GRAMD4: variants seen among roughly 807,000 people sequenced by gnomAD.
GRAMD4 encodes the protein GRAM domain containing 4, also known as GRAM domain-containing protein 4.
Under a neutral mutation model 83.9 loss-of-function variants are expected in GRAMD4, and 25 were observed. The ratio of observed to expected loss-of-function variants is 0.30; its 90% confidence interval spans 0.22 to 0.42. GRAMD4 has a LOEUF of 0.42. GRAMD4 is among the 10% of genes least tolerant of loss of function. The pLI, the probability that GRAMD4 is intolerant of heterozygous loss-of-function variation, is 1.00. For missense variants in GRAMD4, 593 were observed against 788.7 expected (o/e 0.75, Z 2.97); for synonymous variants, 336 against 320.9 (o/e 1.05, Z -0.50).
chr22:46,672,825 T>C lies in GRAMD4; in HGVS notation c.1085-18T>C. ...CTGCAGAGCTCTAGATGGAGCAGGC[T>C]GTGTCCCCTGCCCTCAGGACTCTAT... On this transcript the variant is annotated intron_variant, in intron 13 of 18. Transcript: ENST00000406902. The surrounding 1 kb of genome is among the most constrained non-coding windows in gnomAD (Gnocchi z 4.7). The C allele has an allele frequency of 1.2e-6, 2 of 1,600,570 alleles. No individual in the cohort carries two copies. The highest frequency in any genetic ancestry group is 2.7e-5 in the African/African-American group (2 of 74,802).
chr22:46,663,999 G>C, intron 7 of GRAMD4, 27 bp from the exon 8 acceptor site: 1 of 1,583,292 alleles, frequency 6.3e-7, no homozygotes, highest in Non-Finnish European at 8.7e-7. Context: ...CCACAGTGCT[G>C]ACCACTGTGG....
At chr22:46,646,237 G>A (rs748185259) in intron 3 of GRAMD4, among the ~76,000 whole-genome samples, 7 of 152,214 alleles carry the variant, frequency 4.6e-5, no homozygotes, top group Non-Finnish European at 7.3e-5. Context: ...GCACTCACAC[G>A]GGCAGTGGCA....
At chr22:46,646,657 GC>G (rs1247167598) in intron 3 of GRAMD4, among the ~76,000 whole-genome samples, 1 of 152,230 alleles carries the variant, frequency 6.6e-6, no homozygotes, top group Admixed American at 6.5e-5. Context: ...CCCTGGACTT[GC>G]CCCTTTGGAC....
exon 1 of GRAMD4, chr22:46,577,213 A>C (rs1345768682): frequency 5.7e-6 from 5 of 873,752 alleles, no homozygotes; most frequent in Non-Finnish European, 6.8e-6. Context: ...GGCGGGCGGC[A>C]GGCGTAGCGC....
At chr22:46,597,397 G>T (rs1465980498) in intron 1 of GRAMD4, among the ~76,000 whole-genome samples, 1 of 152,224 alleles carries the variant, frequency 6.6e-6, no homozygotes, top group Non-Finnish European at 1.5e-5. Context: ...AGATCCAGAG[G>T]AACTTCTTTG....
intron 1 of GRAMD4, among the ~76,000 whole-genome samples, chr22:46,623,712 G>A (rs1796631555): frequency 6.6e-6 from 1 of 151,756 alleles, no homozygotes; most frequent in African/African-American, 2.4e-5. Flanking sequence ...CCTTTCTAGT[G>A]AGCTTGAAGG....
intron 2 of GRAMD4, among the ~76,000 whole-genome samples, chr22:46,628,967 C>T (rs914689896): frequency 6.6e-6 from 1 of 151,814 alleles, no homozygotes; most frequent in Non-Finnish European, 1.5e-5. Context: ...CCACGAGGTA[C>T]AAGGGGGCTT....
At position 46,672,344 on chromosome 22, in the gene GRAMD4, G is replaced by T. The variant is rs1389585044; in HGVS notation, c.1085-499G>T. Among the ~76,000 whole-genome samples, 1 of 151,974 alleles carries T rather than the reference G, an allele frequency of 6.6e-6. No individual in the cohort carries two copies. Among genetic ancestry groups the T allele is most frequent in the African/African-American group, 2.4e-5 (1 of 41,386 alleles). On this transcript the variant is annotated intron_variant, in intron 13 of 18. Transcript: ENST00000406902. This position sits in a 1 kb window ranked among gnomAD's most constrained non-coding sequence, Gnocchi z 4.7. ...GAGCCGTCTGAGCAGCTGGTCATGG[G>T]CGGCCTCTCAGCAGGGATGGGCTGG...
chr22:46,615,482 G>A (rs2081469182), upstream of GRAMD4, among the ~76,000 whole-genome samples: 1 of 135,030 alleles, frequency 7.4e-6, no homozygotes, highest in African/African-American at 2.8e-5. Flanking sequence ...CCCTTGTGTA[G>A]GTTCCCCCGT....
chr22:46,596,536 T>A (rs1332662013), intron 1 of GRAMD4, among the ~76,000 whole-genome samples: 1 of 152,188 alleles, frequency 6.6e-6, no homozygotes, highest in African/African-American at 2.4e-5. Context: ...ATTTAGAGAT[T>A]AGCCTTTTTT....
chr22:46,582,981 A>G (rs578198079), intron 1 of GRAMD4, among the ~76,000 whole-genome samples: 3 of 152,058 alleles, frequency 2.0e-5, no homozygotes, highest in South Asian at 2.1e-4. Context: ...CTGGAGTGCA[A>G]TGGTGCGATC....
chr22:46,646,080 G>C (rs749574545), intron 3 of GRAMD4, among the ~76,000 whole-genome samples: 1 of 152,154 alleles, frequency 6.6e-6, no homozygotes, highest in Non-Finnish European at 1.5e-5. Flanking sequence ...GGGAGCCCTC[G>C]TGACTGCCTT....
chr22:46,594,014 C>T, intron 1 of GRAMD4, among the ~76,000 whole-genome samples: 1 of 151,782 alleles, frequency 6.6e-6, no homozygotes. Context: ...CGTGAGCCAC[C>T]TCACCCAGCC....
rs766641881 is a variant in GRAMD4 at position 46,673,037 on chromosome 22, G to A, written c.1239+40G>A. 10 of 1,505,370 alleles carry A rather than the reference G, an allele frequency of 6.6e-6. No homozygotes were observed. In the East Asian group the frequency reaches 1.9e-4, roughly 29 times the overall value. 93.3% of individuals were successfully genotyped at this position (1,505,370 alleles called of 1,614,324 possible). A position where few individuals can be genotyped will look rare whatever the true frequency, so the allele number is the denominator to read the frequency against. Reference sequence around the variant, plus strand: ...CAGCTGCGGGGATGGGGGGATGGGGGGCCACGAAGCCGGGCATCCCCAGGC... The same window carrying A: ...CAGCTGCGGGGATGGGGGGATGGGGAGCCACGAAGCCGGGCATCCCCAGGC... On this transcript the variant is annotated intron_variant, in intron 14 of 18. Transcript: ENST00000406902.
intron 1 of GRAMD4, among the ~76,000 whole-genome samples, chr22:46,587,639 C>T (rs2081163723): frequency 6.6e-6 from 1 of 151,872 alleles, no homozygotes; most frequent in South Asian, 2.1e-4. Flanking sequence ...GGGCAAGGCT[C>T]CGTCCTGTCC....
intron 1 of GRAMD4, among the ~76,000 whole-genome samples, chr22:46,609,766 G>A (rs1228058025): frequency 6.6e-6 from 1 of 152,248 alleles, no homozygotes; most frequent in Non-Finnish European, 1.5e-5. Flanking sequence ...GGGGAGGGCC[G>A]TGGGGCCCCA....
At chr22:46,636,258 C>T (rs563686304) in intron 2 of GRAMD4, among the ~76,000 whole-genome samples, 14 of 152,322 alleles carry the variant, frequency 9.2e-5, no homozygotes, top group African/African-American at 3.4e-4. Context: ...ACCTGGGCTC[C>T]GCTGGCCTCC....
At chr22:46,624,840 G>A (rs1275700863) in intron 1 of GRAMD4, among the ~76,000 whole-genome samples, 1 of 150,592 alleles carries the variant, frequency 6.6e-6, no homozygotes, top group Non-Finnish European at 1.5e-5. Context: ...GCTCCCCGTA[G>A]AGCCTGTGTC....
chr22:46,583,034 C>G (rs1259820059), intron 1 of GRAMD4, among the ~76,000 whole-genome samples: 1 of 152,204 alleles, frequency 6.6e-6, no homozygotes, highest in Non-Finnish European at 1.5e-5. Flanking sequence ...AAGCGATTCT[C>G]CTACCTCAGC....
Sources: gnomAD v4.1 joint callset for allele counts (sites outside exome capture counted in the v4.1 genomes callset) on GRCh38, gnomAD v4.1.1 for gene constraint, Gnocchi (gnomAD v3.1) non-coding constraint, MANE v1.5 for transcripts, NCBI Gene and HGNC (gene_info 2026-07-23, HGNC 2026-07-21) for gene names.